Variants in SLC39A10 observed in about 807,000 individuals in gnomAD.
SLC39A10 encodes the protein solute carrier family 39 member 10.
In SLC39A10, 13 loss-of-function variants were observed where a neutral mutation model predicts 65.1. That is an observed-to-expected ratio of 0.20 (90% CI 0.13 to 0.32). The LOEUF is 0.32. Ranked by LOEUF, SLC39A10 falls within the 10% of genes least tolerant of loss-of-function variation. The pLI, the probability that SLC39A10 is intolerant of heterozygous loss-of-function variation, is 1.00. For missense variants in SLC39A10, 831 were observed against 1,018.4 expected (o/e 0.82, Z 2.50); for synonymous variants, 321 against 342.2 (o/e 0.94, Z 0.68).
rs114190571 is a variant in SLC39A10, at chr2:195,648,154, A to G, written c.-11-31878A>G. Among the ~76,000 whole-genome samples the G allele has an allele frequency of 9.1e-3, 1,389 of 152,168 alleles. 15 individuals are homozygous for G. Among genetic ancestry groups the G allele is most frequent in the African/African-American group, 0.031 (1,298 of 41,538 alleles). Reference sequence around the variant, plus strand: ...ACCACAGGTGTGTGACACCATGCCCATCTAATTTTTAAAACAATTTTTTTG... The same window carrying G: ...ACCACAGGTGTGTGACACCATGCCCGTCTAATTTTTAAAACAATTTTTTTG... On this transcript the variant is annotated intron_variant, in intron 2 of 2. Transcript: ENST00000458054.
intron 3 of SLC39A10, among the ~76,000 whole-genome samples, chr2:195,703,472 C>CT (rs1420119457): frequency 2.0e-5 from 3 of 150,450 alleles, no homozygotes; most frequent in African/African-American, 4.9e-5. Context: ...GAATTTAGGT[C>CT]TTTTTTTTTA....
chr2:195,679,338 G>A (rs576176074), intron 1 of SLC39A10, among the ~76,000 whole-genome samples: 4 of 152,234 alleles, frequency 2.6e-5, no homozygotes, highest in Middle Eastern at 3.4e-3. Flanking sequence ...CATCCTTTCC[G>A]GTTTTTAGCT....
At chr2:195,703,717 G>T (rs1184380772) in intron 3 of SLC39A10, among the ~76,000 whole-genome samples, 1 of 152,140 alleles carries the variant, frequency 6.6e-6, no homozygotes, top group Non-Finnish European at 1.5e-5. Flanking sequence ...GCAGTGGCAT[G>T]ATCTTGGCTT....
At chr2:195,716,064 T>C (rs1334662954) in intron 6 of SLC39A10, among the ~76,000 whole-genome samples, 2 of 152,228 alleles carry the variant, frequency 1.3e-5, no homozygotes, top group East Asian at 3.8e-4. Flanking sequence ...AAATAATGCC[T>C]GTACATTTCA....
upstream of SLC39A10, among the ~76,000 whole-genome samples, chr2:195,653,103 T>C (rs1433195841): frequency 6.6e-6 from 1 of 152,134 alleles, no homozygotes; most frequent in East Asian, 1.9e-4. Context: ...CTCTATAGAA[T>C]GTAGATGTTT....
intron 3 of SLC39A10, 75 bp from the exon 4 acceptor site, chr2:195,706,541 A>G: frequency 7.3e-7 from 1 of 1,362,828 alleles, no homozygotes; most frequent in Non-Finnish European, 1.0e-6. Context: ...CATTTATCTT[A>G]TATTTTTATT....
At chr2:195,640,805 T>C (rs1688798181) in intron 2 of SLC39A10, among the ~76,000 whole-genome samples, 4 of 152,200 alleles carry the variant, frequency 2.6e-5, no homozygotes, top group Admixed American at 2.6e-4. Context: ...CTGATGAAGT[T>C]TTAAAATTTA....
At chr2:195,663,688 A>T (rs1378760885) in intron 1 of SLC39A10, among the ~76,000 whole-genome samples, 1 of 135,874 alleles carries the variant, frequency 7.4e-6, no homozygotes, top group Non-Finnish European at 1.6e-5. Context: ...GTGTTTCAAG[A>T]ATATAGAAGT....
At chr2:195,716,580 T>C (rs998408159) in intron 6 of SLC39A10, 57 bp from the exon 7 acceptor site, 41 of 1,486,084 alleles carry the variant, frequency 2.8e-5, no homozygotes, top group Non-Finnish European at 3.4e-5. Flanking sequence ...CTGTTTAAAT[T>C]AGCAAATATC....
At chr2:195,716,315 TC>T (rs1559047080) in intron 6 of SLC39A10, among the ~76,000 whole-genome samples, 1 of 152,184 alleles carries the variant, frequency 6.6e-6, no homozygotes, top group East Asian at 1.9e-4. Context: ...CTTCATGCTT[TC>T]CAGTTTTTCT....
At position 195,715,634 on chromosome 2, in the gene SLC39A10, G is replaced by A. The variant is rs775414798; in HGVS notation, c.1697-1003G>A. On this transcript the variant is annotated intron_variant, in intron 6 of 9. Coordinates refer to ENST00000359634, the MANE Select transcript of SLC39A10 (RefSeq NM_020342.3). ...TATAAAGAAGCAATACAGCATAGGTGTATGCTTTCTGTGACACTAATGTGA... is the reference window on the plus strand; with the variant it reads ...TATAAAGAAGCAATACAGCATAGGTATATGCTTTCTGTGACACTAATGTGA... Among the ~76,000 whole-genome samples, 43 of 151,896 alleles carry A rather than the reference G, an allele frequency of 2.8e-4. 1 individual carries two copies. The highest frequency in any genetic ancestry group is 5.1e-4 in the Non-Finnish European group (35 of 67,970).
At position 195,716,571 on chromosome 2, in the gene SLC39A10, T is replaced by TCTCTAG. The variant is rs1553506094; in HGVS notation, c.1697-66_1697-65insCTCTAG. On this transcript the variant is annotated intron_variant, in intron 6 of 9. Transcript: ENST00000359634. ...AGAAATGTTCATTGCACTGCTATTC[T>TCTCTAG]GTTTAAATTAGCAAATATCCATGCA... is the stretch of plus-strand genomic sequence containing the variant. 117 of 1,350,030 alleles carry TCTCTAG rather than the reference T, an allele frequency of 8.7e-5. 2 individuals carry two copies. Among genetic ancestry groups the TCTCTAG allele is most frequent in the Non-Finnish European group, 9.9e-5 (98 of 987,152 alleles). The allele number at this position is 1,350,030 out of a possible 1,614,324, so 83.6% of individuals were successfully genotyped here.
At chr2:195,618,153 C>T (rs1001396588) in intron 2 of SLC39A10, among the ~76,000 whole-genome samples, 10 of 151,772 alleles carry the variant, frequency 6.6e-5, no homozygotes, top group African/African-American at 2.4e-4. Context: ...GGGTTTGAGA[C>T]CAGCCTGGCC....
chr2:195,656,207 G>A (rs1689140366), upstream of SLC39A10, among the ~76,000 whole-genome samples: 1 of 152,170 alleles, frequency 6.6e-6, no homozygotes, highest in Middle Eastern at 3.2e-3. Flanking sequence ...CACCCCAGGC[G>A]GAATGCAGAT....
intron 2 of SLC39A10, among the ~76,000 whole-genome samples, chr2:195,639,064 T>C (rs1404413650): frequency 7.2e-5 from 11 of 151,970 alleles, no homozygotes; most frequent in African/African-American, 2.7e-4. Context: ...CAAGTGATCC[T>C]CCTGCCTCTG....
chr2:195,613,460 G>A (rs1406553678), intron 2 of SLC39A10, among the ~76,000 whole-genome samples: 1 of 152,162 alleles, frequency 6.6e-6, no homozygotes, highest in Admixed American at 6.5e-5. Flanking sequence ...TGGTACAGCT[G>A]TTCTCTGATT....
At chr2:195,674,400 C>A (rs773407548) in intron 1 of SLC39A10, among the ~76,000 whole-genome samples, 11 of 152,146 alleles carry the variant, frequency 7.2e-5, no homozygotes, top group Non-Finnish European at 1.3e-4. Flanking sequence ...GCCTCACCTT[C>A]CCGAGTAGCT....
At chr2:195,683,363 C>T (rs879327451) in intron 2 of SLC39A10, among the ~76,000 whole-genome samples, 24 of 151,824 alleles carry the variant, frequency 1.6e-4, no homozygotes, top group African/African-American at 3.1e-4. Context: ...CTTGAGTCAC[C>T]GATGATTGCA....
chr2:195,661,977 C>A (rs889852180), intron 1 of SLC39A10, among the ~76,000 whole-genome samples: 2 of 152,066 alleles, frequency 1.3e-5, no homozygotes, highest in Non-Finnish European at 2.9e-5. Context: ...CAATTTTACC[C>A]TTTTATATAC....
Sources: gnomAD v4.1 joint callset for allele counts (sites outside exome capture counted in the v4.1 genomes callset) on GRCh38, gnomAD v4.1.1 for gene constraint, MANE v1.5 for transcripts, NCBI Gene and HGNC (gene_info 2026-07-23, HGNC 2026-07-21) for gene names.